Variants in ADGRG6 observed in about 807,000 individuals in gnomAD.
The protein encoded by ADGRG6 is G-protein coupled receptor 126.
In ADGRG6, 84 loss-of-function variants were observed where a neutral mutation model predicts 142.4. That is an observed-to-expected ratio of 0.59 (90% CI 0.49 to 0.71). The LOEUF is 0.71. ADGRG6 is among the 30% of genes least tolerant of loss of function. The probability of loss-of-function intolerance (pLI) is 0.00; values close to 1 mark genes in which losing one functional copy is unlikely to be tolerated. For synonymous variants in ADGRG6, 521 were observed against 520.5 expected (o/e 1.00, Z -0.01); for missense variants, 1,367 against 1,466.6 (o/e 0.93, Z 1.11).
At chr6:142,397,900 C>G (rs557774624) in intron 10 of ADGRG6, 145 bp downstream of exon 10, 21 of 488,826 alleles carry the variant, frequency 4.3e-5, no homozygotes, top group African/African-American at 3.6e-4. Flanking sequence ...AAATGAATGA[C>G]ATAGCAGAAA....
chr6:142,396,975 T>A (rs989530209), intron 9 of ADGRG6, among the ~76,000 whole-genome samples: 4 of 152,142 alleles, frequency 2.6e-5, no homozygotes, highest in Non-Finnish European at 5.9e-5. Flanking sequence ...ACCTTCAAAG[T>A]CAACCATTCT....
At chr6:142,323,634 T>A (rs1778624917) in intron 2 of ADGRG6, among the ~76,000 whole-genome samples, 1 of 152,026 alleles carries the variant, frequency 6.6e-6, no homozygotes, top group Admixed American at 6.6e-5. Flanking sequence ...CATCATAGAG[T>A]GTATTTACAC....
At chr6:142,302,378 G>C (rs760387721) in intron 1 of ADGRG6, 47 bp downstream of exon 1, 18 of 1,603,518 alleles carry the variant, frequency 1.1e-5, no homozygotes, top group East Asian at 9.0e-5. Context: ...TTTTATCTGT[G>C]TCCACCTTCT....
rs1416253318 is a variant in ADGRG6, at chr6:142,408,216, A to G, written c.2335A>G (p.Ile779Val). ...GGCGTGCAGTATTGGAAACATTACT[A>G]TCCAGAATCTGAAGGATCCTGTTCA... Reference protein sequence around the residue: ...VMACSIGNITIQNLKDPVQIK... With the variant: ...VMACSIGNITVQNLKDPVQIK... Residue 779 changes from isoleucine to valine, a missense_variant, in exon 16 of 25, where the codon ATC becomes GTC. Ile to Val is a conservative substitution (Grantham distance 29, BLOSUM62 3). This residue lies in a region of ADGRG6 where 286 missense variants were observed against 371.4 expected (regional missense o/e 0.77). Coordinates refer to ENST00000367609, the MANE Select transcript of ADGRG6 (RefSeq NM_198569.3). The G allele has an allele frequency of 2.5e-6, 4 of 1,584,712 alleles. No individual in the cohort carries two copies. Among genetic ancestry groups the G allele is most frequent in the Admixed American group, 1.7e-5 (1 of 57,386 alleles).
At chr6:142,439,298 C>T (rs1260658219) in intron 24 of ADGRG6, among the ~76,000 whole-genome samples, 1 of 152,174 alleles carries the variant, frequency 6.6e-6, no homozygotes, top group Non-Finnish European at 1.5e-5. Context: ...GAGCACTTTC[C>T]TAATTAAAGA....
chr6:142,345,182 T>A (rs905040696), intron 2 of ADGRG6, among the ~76,000 whole-genome samples: 2 of 152,086 alleles, frequency 1.3e-5, no homozygotes, highest in Non-Finnish European at 2.9e-5. Context: ...TAAAGAAATA[T>A]GTGCTACAGA....
intron 5 of ADGRG6, among the ~76,000 whole-genome samples, chr6:142,382,618 A>G (rs1167528601): frequency 6.6e-6 from 1 of 152,232 alleles, no homozygotes; most frequent in Non-Finnish European, 1.5e-5. Flanking sequence ...TTAAAGTTAT[A>G]CAAGTTTTAA....
chr6:142,427,871 C>T (rs922835359), intron 22 of ADGRG6, among the ~76,000 whole-genome samples: 10 of 152,120 alleles, frequency 6.6e-5, no homozygotes, highest in South Asian at 4.1e-4. Flanking sequence ...TTCACTATCA[C>T]GAGAACAGCC....
intron 2 of ADGRG6, among the ~76,000 whole-genome samples, chr6:142,341,508 TATACTAC>T (rs1211749671): frequency 8.4e-6 from 1 of 118,438 alleles, no homozygotes; most frequent in Non-Finnish European, 1.7e-5. Flanking sequence ...ATATAGTATA[TATACTAC>T]ATAATATTAT....
intron 18 of ADGRG6, among the ~76,000 whole-genome samples, chr6:142,411,920 A>G (rs149498635): frequency 0.016 from 2,429 of 152,214 alleles, 59 homozygotes; most frequent in African/African-American, 0.05. Context: ...GTTTGTTAGG[A>G]CAGACTAGTG....
rs186393156 is a variant in ADGRG6 at position 142,394,847 on chromosome 6, C to G, written c.1424+889C>G. 3.2e-3 allele frequency among the ~76,000 whole-genome samples: 482 copies of G among 152,198 alleles called. 1 individual carries two copies. The highest frequency in any genetic ancestry group is 6.0e-3 in the Admixed American group (92 of 15,280). On this transcript the variant is annotated intron_variant, in intron 9 of 24. Coordinates refer to ENST00000367609, the MANE Select transcript of ADGRG6 (RefSeq NM_198569.3). ...AGTAAACCTCCTGTCTCAGCCCCCCCCAGAGTGCTGGGATTACATGTACAG... is the reference window on the plus strand; with the variant it reads ...AGTAAACCTCCTGTCTCAGCCCCCCGCAGAGTGCTGGGATTACATGTACAG...
At chr6:142,387,595 G>A (rs1782094759) in intron 6 of ADGRG6, among the ~76,000 whole-genome samples, 1 of 152,070 alleles carries the variant, frequency 6.6e-6, no homozygotes, top group South Asian at 2.1e-4. Flanking sequence ...ATTAGCATTT[G>A]GTTTATATTT....
chr6:142,395,223 G>C (rs74750076), intron 9 of ADGRG6, among the ~76,000 whole-genome samples: 39 of 152,144 alleles, frequency 2.6e-4, no homozygotes, highest in African/African-American at 9.1e-4. Context: ...TTTTCTTTAT[G>C]ATATGAAAAC....
Position 142,443,879 on chromosome 6 carries a change from A to C in ADGRG6, c.*364A>C, listed in dbSNP as rs1464282701. ...GATAGAGCTCATTTTACTCCACCTA[A>C]TCGTTATATCTGGATATACCCATTT... On this transcript the variant is annotated 3_prime_UTR_variant, in exon 25 of 25. Transcript: ENST00000367609. 5 of 160,580 alleles carry C rather than the reference A, an allele frequency of 3.1e-5. No homozygotes were observed. In the South Asian group the frequency reaches 9.6e-4, roughly 31 times the overall value. 9.9% of individuals were successfully genotyped at this position (160,580 alleles called of 1,614,324 possible).
chr6:142,303,444 G>C (rs1777326402), intron 1 of ADGRG6, among the ~76,000 whole-genome samples: 2 of 152,172 alleles, frequency 1.3e-5, no homozygotes, highest in South Asian at 4.1e-4. Flanking sequence ...CTAGCACTCT[G>C]TAACTCTGTT....
At chr6:142,403,194 G>A (rs1775622981) in intron 13 of ADGRG6, among the ~76,000 whole-genome samples, 1 of 152,048 alleles carries the variant, frequency 6.6e-6, no homozygotes. Flanking sequence ...GCCACTGACA[G>A]CCACAGCCAC....
At position 142,302,088 on chromosome 6, in the gene ADGRG6, G is replaced by C; in HGVS notation, c.-242G>C. On this transcript the variant is annotated 5_prime_UTR_variant, in exon 1 of 25. Coordinates refer to ENST00000367609, the MANE Select transcript of ADGRG6 (RefSeq NM_198569.3). ...ACCCTGCCAACTTCCCTGCGAGGAG[G>C]GACCTGCCGCCAGCCTGCTTCCTCG... The C allele has an allele frequency of 1.9e-6, 1 of 529,290 alleles. No homozygotes were observed. The highest frequency in any genetic ancestry group is 3.1e-5 in the East Asian group (1 of 31,814). 32.8% of individuals were successfully genotyped at this position (529,290 alleles called of 1,614,324 possible). A position where few individuals can be genotyped will look rare whatever the true frequency, so the allele number is the denominator to read the frequency against.
intron 23 of ADGRG6, among the ~76,000 whole-genome samples, chr6:142,437,891 A>G (rs1246001435): frequency 9.3e-6 from 1 of 107,950 alleles, no homozygotes; most frequent in Non-Finnish European, 1.6e-5. Flanking sequence ...TTTTCTCAGT[A>G]TTAAAAAAAA....
chr6:142,441,457 A>G (rs1310418163), intron 24 of ADGRG6, among the ~76,000 whole-genome samples: 4 of 152,186 alleles, frequency 2.6e-5, no homozygotes, highest in South Asian at 4.1e-4. Flanking sequence ...ACTTGCAACT[A>G]TAATCAAAGT....
Sources: gnomAD v4.1 joint callset for allele counts (sites outside exome capture counted in the v4.1 genomes callset) on GRCh38, gnomAD v4.1.1 for gene constraint, gnomAD v4.1.1 regional missense constraint, MANE v1.5 for transcripts, NCBI Gene and HGNC (gene_info 2026-07-23, HGNC 2026-07-21) for gene names.